The following APP variants were observed in gnomAD, a reference collection of about 807,000 sequenced individuals.
APP encodes the protein amyloid beta precursor protein.
A neutral mutation model predicts 101.4 loss-of-function variants in APP; 31 were observed. That is an observed-to-expected ratio of 0.31 (90% confidence interval 0.23 to 0.41). The LOEUF (loss-of-function observed/expected upper bound fraction) is 0.41, where lower values mean the gene tolerates loss of function less well. Among genes scored for constraint, APP ranks in the 10% least tolerant of loss-of-function variants. APP has a pLI of 1.00. For missense variants in APP, 839 were observed against 1,003.7 expected, an observed-to-expected ratio of 0.84 and a Z score of 2.22; for synonymous variants, 366 against 364.4, an observed-to-expected ratio of 1.00 and a Z score of -0.05.
At chr21:25,928,214 C>T (rs923527215) in intron 13 of APP, among the ~76,000 whole-genome samples, 26 of 151,628 alleles carry the variant, frequency 1.7e-4, no homozygotes, top group African/African-American at 5.6e-4. Context: ...ATGGTGCAGG[C>T]GCCTGTAGTC....
intron 8 of APP, among the ~76,000 whole-genome samples, chr21:25,992,039 C>A (rs72635011): frequency 0.027 from 4,096 of 152,274 alleles, 209 homozygotes; most frequent in East Asian, 0.14. Flanking sequence ...CACCTTTGTT[C>A]TCTCACAGTG....
chr21:26,013,688 C>G (rs182173639), intron 6 of APP, among the ~76,000 whole-genome samples: 11 of 151,748 alleles, frequency 7.2e-5, no homozygotes, highest in Non-Finnish European at 1.3e-4. Context: ...ACTATGTTGC[C>G]CAGGCTGGTG....
chr21:25,936,162 C>T (rs991904936), intron 13 of APP, among the ~76,000 whole-genome samples: 13 of 152,164 alleles, frequency 8.5e-5, no homozygotes, highest in African/African-American at 3.1e-4. Context: ...AGCCCTAACC[C>T]TCAAGGGACC....
chr21:25,932,071 T>C (rs2040172809), intron 13 of APP, among the ~76,000 whole-genome samples: 1 of 152,238 alleles, frequency 6.6e-6, no homozygotes, highest in South Asian at 2.1e-4. Context: ...ATTGTCTAAT[T>C]GCAGTGCTTA....
At chr21:25,969,866 AAAGAAAAGAG>A (rs1480662661) in intron 11 of APP, among the ~76,000 whole-genome samples, 1 of 26,896 alleles carries the variant, frequency 3.7e-5, no homozygotes, top group Non-Finnish European at 7.0e-5. Flanking sequence ...AAAGAAAAGA[AAAGAAAAGAG>A]AAAAGAAAAG....
chr21:26,114,781 T>C (rs1175219084), intron 1 of APP, among the ~76,000 whole-genome samples: 1 of 152,208 alleles, frequency 6.6e-6, no homozygotes, highest in Non-Finnish European at 1.5e-5. Context: ...TTTACAGCTA[T>C]TTTAATGTCA....
At chr21:26,152,959 GCCATT>G (rs2063308657) in intron 1 of APP, among the ~76,000 whole-genome samples, 1 of 152,194 alleles carries the variant, frequency 6.6e-6, no homozygotes, top group African/African-American at 2.4e-5. Flanking sequence ...CTACTACTCA[GCCATT>G]ACAAGGAACA....
chr21:25,911,045 G>A (rs146532857), intron 14 of APP, among the ~76,000 whole-genome samples: 4 of 152,252 alleles, frequency 2.6e-5, no homozygotes, highest in African/African-American at 9.6e-5. Flanking sequence ...TGAATTTTGT[G>A]CTTCCATTCC....
chr21:26,006,719 T>G (rs1248240711), intron 6 of APP, among the ~76,000 whole-genome samples: 1 of 152,198 alleles, frequency 6.6e-6, no homozygotes, highest in Non-Finnish European at 1.5e-5. Flanking sequence ...AAATTTAGAA[T>G]GAACACAGTT....
intron 6 of APP, among the ~76,000 whole-genome samples, chr21:26,015,436 T>C (rs2146747141): frequency 6.6e-6 from 1 of 152,302 alleles, no homozygotes; most frequent in Admixed American, 6.5e-5. Context: ...GGATTCAAGG[T>C]TATTTGATTT....
At chr21:25,969,922 A>AAAAGGAAAGG (rs369276904) in intron 11 of APP, among the ~76,000 whole-genome samples, 48 of 135,978 alleles carry the variant, frequency 3.5e-4, no homozygotes, top group African/African-American at 1.2e-3. Context: ...AGGGGAAGAG[A>AAAAGGAAAGG]AAAGGAAAGG....
intron 17 of APP, among the ~76,000 whole-genome samples, chr21:25,889,768 A>G (rs1299833318): frequency 6.6e-6 from 1 of 152,066 alleles, no homozygotes; most frequent in African/African-American, 2.4e-5. Flanking sequence ...AATCGCTTGA[A>G]CCTGGGAGGT....
Position 26,136,197 on chromosome 21 carries a change from G to GAAAT in APP, c.58-24052_58-24051insATTT, listed in dbSNP as rs1245682147. Among the ~76,000 whole-genome samples, 17 of 124,254 alleles carry GAAAT rather than the reference G, an allele frequency of 1.4e-4. No individual in the cohort carries two copies. In the East Asian group the frequency reaches 4.1e-3, roughly 30 times the overall value. 81.5% of individuals were successfully genotyped at this position (124,254 alleles called of 152,430 possible). A position where few individuals can be genotyped will look rare whatever the true frequency, so the allele number is the denominator to read the frequency against. Reference sequence around the variant, plus strand: ...AGAAAGAAAGAAAGAAAGAAAGAAAGAAAGAAAAGAAAAGAAAGAAAAGAA... The same window carrying GAAAT: ...AGAAAGAAAGAAAGAAAGAAAGAAAGAAATAAAGAAAAGAAAAGAAAGAAAAGAA... On this transcript the variant is annotated intron_variant, in intron 1 of 17. Transcript: ENST00000346798.
chr21:25,914,549 C>CTTTT lies in APP; in HGVS notation c.1688-2591_1688-2588dup, dbSNP rs10647133. Among the ~76,000 whole-genome samples the CTTTT allele has an allele frequency of 2.2e-3, 251 of 114,768 alleles. 7 individuals carry two copies. Among genetic ancestry groups the CTTTT allele is most frequent in the African/African-American group, 8.9e-3 (211 of 23,826 alleles). The allele number at this position is 114,768 out of a possible 152,430, so 75.3% of individuals were successfully genotyped here. A position where few individuals can be genotyped will look rare whatever the true frequency, so the allele number is the denominator to read the frequency against. On this transcript the variant is annotated intron_variant, in intron 13 of 17. Transcript: ENST00000346798. ...TCTGGAGGATGCAGCCACAAGGCGC[C>CTTTT]TTTTTTTTTTTTTTTTTTTTTTGAG...
At chr21:26,000,219 G>A in intron 6 of APP, 37 bp from the exon 7 acceptor site, 1 of 1,611,126 alleles carries the variant, frequency 6.2e-7, no homozygotes, top group Non-Finnish European at 8.5e-7. Flanking sequence ...CATTTAGCAT[G>A]AAAAGGCACT....
rs545841724 is a variant in APP at position 25,968,287 on chromosome 21, G to A, written c.1458+6783C>T. ...AGCCTCCAGAGTAGCTGCGACTACAGGCGCGCACCATCATGCCTGGCTAAT... is the reference window on the plus strand; with the variant it reads ...AGCCTCCAGAGTAGCTGCGACTACAAGCGCGCACCATCATGCCTGGCTAAT... On this transcript the variant is annotated intron_variant, in intron 11 of 17. Transcript: ENST00000346798. Among the ~76,000 whole-genome samples the A allele has an allele frequency of 6.6e-5, 10 of 151,674 alleles. No homozygotes were observed. The South Asian group carries it at 1.9e-3, about 29-fold the overall frequency.
chr21:26,004,466 G>GT (rs201340132), intron 6 of APP, among the ~76,000 whole-genome samples: 148,848 of 151,456 alleles, frequency 0.98, 73,207 homozygotes, highest in Middle Eastern at 1. Flanking sequence ...AATTTTTTTC[G>GT]ATTTTTTAGT....
At chr21:25,927,168 C>G (rs112503707) in intron 13 of APP, among the ~76,000 whole-genome samples, 7,312 of 152,236 alleles carry the variant, frequency 0.048, 585 homozygotes, top group African/African-American at 0.17. Context: ...TCCAAGGTCA[C>G]GGAGATTCCT....
chr21:26,070,313 T>C (rs915797021), intron 3 of APP, among the ~76,000 whole-genome samples: 5 of 152,236 alleles, frequency 3.3e-5, no homozygotes, highest in African/African-American at 1.2e-4. Context: ...CTTAGTTTCA[T>C]TATTGTAAAT....
Sources: gnomAD v4.1 joint callset for allele counts (sites outside exome capture counted in the v4.1 genomes callset) on GRCh38, gnomAD v4.1.1 for gene constraint, MANE v1.5 for transcripts, NCBI Gene and HGNC (gene_info 2026-07-23, HGNC 2026-07-21) for gene names.